The following FRYL variants were observed in gnomAD, a reference collection of about 807,000 sequenced individuals.
FRYL encodes the protein FRY like transcription coactivator, also known as protein furry homolog-like.
Under a neutral mutation model 351.2 loss-of-function variants are expected in FRYL, and 150 were observed. That is an observed-to-expected ratio of 0.43 (90% CI 0.37 to 0.49). The LOEUF is 0.49. Among genes scored for constraint, FRYL ranks in the 20% least tolerant of loss-of-function variants. FRYL has a pLI of 0.00. For synonymous variants in FRYL, 1,153 were observed against 1,257.1 expected (o/e 0.92, Z 1.75); for missense variants, 3,036 against 3,619.3 (o/e 0.84, Z 4.13).
chr4:48,639,486 TAA>T (rs60147838), intron 3 of FRYL, among the ~76,000 whole-genome samples: 1 of 149,016 alleles, frequency 6.7e-6, no homozygotes, highest in Non-Finnish European at 1.5e-5. Context: ...ATCCACATGT[TAA>T]AAAAAAAAAT....
At chr4:48,708,408 A>G (rs1767626240) in intron 2 of FRYL, among the ~76,000 whole-genome samples, 1 of 152,148 alleles carries the variant, frequency 6.6e-6, no homozygotes, top group South Asian at 2.1e-4. Context: ...TGGAAGTTGC[A>G]GTGAGCCGAG....
intron 1 of FRYL, among the ~76,000 whole-genome samples, chr4:48,755,906 C>T (rs1349674199): frequency 6.6e-6 from 1 of 151,142 alleles, no homozygotes; most frequent in African/African-American, 2.4e-5. Context: ...TTAAATTCTA[C>T]AAGTCTGTCC....
intron 50 of FRYL, among the ~76,000 whole-genome samples, chr4:48,529,657 A>C (rs1305599750): frequency 6.6e-6 from 1 of 152,218 alleles, no homozygotes. Context: ...ATATAATTCT[A>C]ATCAACAAAA....
intron 2 of FRYL, among the ~76,000 whole-genome samples, chr4:48,686,651 G>A (rs1004902513): frequency 6.6e-6 from 1 of 152,158 alleles, no homozygotes; most frequent in Non-Finnish European, 1.5e-5. Context: ...GGAAAACAAT[G>A]CAGTTTTAGG....
At chr4:48,715,248 A>G (rs1327847972) in intron 1 of FRYL, among the ~76,000 whole-genome samples, 2 of 151,574 alleles carry the variant, frequency 1.3e-5, no homozygotes, top group Non-Finnish European at 3.0e-5. Flanking sequence ...CTCCTATTCA[A>G]CATAGTGTTG....
intron 3 of FRYL, among the ~76,000 whole-genome samples, chr4:48,662,683 T>C (rs1051033108): frequency 2.6e-5 from 4 of 151,166 alleles, no homozygotes; most frequent in African/African-American, 9.7e-5. Context: ...CCCAGCACTT[T>C]GGGAGGCCAA....
At chr4:48,729,593 A>G in intron 1 of FRYL, among the ~76,000 whole-genome samples, 1 of 152,218 alleles carries the variant, frequency 6.6e-6, no homozygotes, top group East Asian at 1.9e-4. Context: ...GGTGAAACCC[A>G]GGCAAACAGG....
rs1342965108 is a variant in FRYL at position 48,540,964 on chromosome 4, A to T, written c.5688-4T>A. The stretch of plus-strand genomic sequence containing the variant: ...TATAGGATCATGATATGAGGTTCTT[A>T]AAAAAAAGAAAGAATAGATGAATGC... On this transcript the variant is annotated splice_polypyrimidine_tract_variant and splice_region_variant and intron_variant, in intron 45 of 63. Transcript: ENST00000358350. 2 of 1,528,512 alleles carry T rather than the reference A, an allele frequency of 1.3e-6. No homozygotes were observed. The highest frequency in any genetic ancestry group is 4.2e-5 in the Admixed American group (2 of 47,526). The allele number at this position is 1,528,512 out of a possible 1,614,324, so 94.7% of individuals were successfully genotyped here. A position where few individuals can be genotyped will look rare whatever the true frequency, so the allele number is the denominator to read the frequency against.
intron 3 of FRYL, among the ~76,000 whole-genome samples, chr4:48,679,403 G>C (rs979445919): frequency 6.6e-6 from 1 of 151,976 alleles, no homozygotes; most frequent in Non-Finnish European, 1.5e-5. Flanking sequence ...ACGATGGTAG[G>C]GAGAATATAA....
Position 48,499,593 on chromosome 4 carries a change from C to T in FRYL, c.8871G>A (p.Leu2957=). Residue 2957 remains leucine, a synonymous_variant, in exon 64 of 64, where the codon CTG becomes CTA. Coordinates refer to ENST00000358350, the MANE Select transcript of FRYL (RefSeq NM_015030.2). ...TAACTGCAAAGCTTCCTGTCTGGCC[C>T]AGCGTCTGATGATGGAAATATATAT... The part of the protein sequence containing the change: ...LLHIYFHHQT[L]GQTGSFAVIG... 1 of 1,614,104 alleles carries T rather than the reference C, an allele frequency of 6.2e-7. No homozygotes were observed. Among genetic ancestry groups the T allele is most frequent in the Non-Finnish European group, 8.5e-7 (1 of 1,179,982 alleles).
At chr4:48,608,037 T>A (rs1747234238) in intron 9 of FRYL, among the ~76,000 whole-genome samples, 1 of 152,224 alleles carries the variant, frequency 6.6e-6, no homozygotes, top group African/African-American at 2.4e-5. Context: ...TGCGAGATAT[T>A]AAGATATTAT....
chr4:48,577,629 G>T lies in FRYL; in HGVS notation c.2528+1344C>A, dbSNP rs372641964. Among the ~76,000 whole-genome samples the T allele has an allele frequency of 3.3e-5, 5 of 152,208 alleles. No homozygotes were observed. In the South Asian group the frequency reaches 6.2e-4, roughly 19 times the overall value. On this transcript the variant is annotated intron_variant, in intron 23 of 63. Coordinates refer to ENST00000358350, the MANE Select transcript of FRYL (RefSeq NM_015030.2). The stretch of plus-strand genomic sequence containing the variant: ...AGATAAAGAATGCTGGTAGGATATG[G>T]GGTTATAATTTAAAATATGGTAATT...
intron 21 of FRYL, 24 bp from the exon 22 acceptor site, chr4:48,580,975 T>TA (rs1225849516): frequency 2.7e-6 from 4 of 1,492,946 alleles, no homozygotes; most frequent in Non-Finnish European, 3.6e-6. Flanking sequence ...ATCATATGTC[T>TA]AAAAAAATTA....
chr4:48,746,738 G>A (rs1370931522), intron 1 of FRYL, among the ~76,000 whole-genome samples: 1 of 152,046 alleles, frequency 6.6e-6, no homozygotes, highest in African/African-American at 2.4e-5. Flanking sequence ...CTACTGCTAT[G>A]CACGTACCTA....
chr4:48,541,898 C>G (rs1730249278), intron 45 of FRYL, 129 bp downstream of exon 45: 1 of 659,106 alleles, frequency 1.5e-6, no homozygotes, highest in Admixed American at 2.7e-5. Context: ...GCCCATCTCC[C>G]CACTGGTAAT....
chr4:48,656,120 AAATAAT>A (rs974118674), intron 3 of FRYL, among the ~76,000 whole-genome samples: 1 of 48,938 alleles, frequency 2.0e-5, no homozygotes, highest in Admixed American at 3.7e-4. Context: ...ATATATACAT[AAATAAT>A]ATATACAATA....
At chr4:48,571,076 A>G (rs1390149194) in intron 26 of FRYL, among the ~76,000 whole-genome samples, 158 bp from the exon 27 acceptor site, 2 of 152,224 alleles carry the variant, frequency 1.3e-5, no homozygotes, top group Non-Finnish European at 2.9e-5. Context: ...TCAAAGAGGT[A>G]TGAGTGAACA....
At chr4:48,681,997 T>C (rs1322034120) in intron 3 of FRYL, among the ~76,000 whole-genome samples, 2 of 152,138 alleles carry the variant, frequency 1.3e-5, no homozygotes, top group African/African-American at 4.8e-5. Flanking sequence ...AACTGAAAGT[T>C]CTCTCCCTTC....
chr4:48,779,345 T>C (rs1223877355), intron 1 of FRYL, among the ~76,000 whole-genome samples: 1 of 152,154 alleles, frequency 6.6e-6, no homozygotes, highest in Non-Finnish European at 1.5e-5. Context: ...GGCCGCGGTG[T>C]CCGCAGGGCT....
Sources: gnomAD v4.1 joint callset for allele counts (sites outside exome capture counted in the v4.1 genomes callset) on GRCh38, gnomAD v4.1.1 for gene constraint, MANE v1.5 for transcripts, NCBI Gene and HGNC (gene_info 2026-07-23, HGNC 2026-07-21) for gene names.